The following AGBL4 variants were observed in gnomAD, a reference collection of about 807,000 sequenced individuals.
The protein encoded by AGBL4 is cytosolic carboxypeptidase 6.
AGBL4 carries 58 observed loss-of-function variants against 66.4 expected under a neutral mutation model. The observed-to-expected ratio is 0.87, with a 90% CI of 0.71 to 1.09. The LOEUF (loss-of-function observed/expected upper bound fraction) is 1.09. Ranked by LOEUF, AGBL4 falls within the 50% of genes least tolerant of loss-of-function variation. The pLI is 0.00. For missense variants in AGBL4, 579 were observed against 631.0 expected (o/e 0.92, Z 0.88); for synonymous variants, 234 against 222.9 (o/e 1.05, Z -0.44).
At chr1:49,613,351 A>C (rs984893547) in intron 3 of AGBL4, among the ~76,000 whole-genome samples, 1 of 152,110 alleles carries the variant, frequency 6.6e-6, no homozygotes, top group African/African-American at 2.4e-5. Context: ...CAATGTACCA[A>C]ACCTGCACAT....
At chr1:49,107,066 G>C (rs1470049357) in intron 4 of AGBL4, among the ~76,000 whole-genome samples, 1 of 152,092 alleles carries the variant, frequency 6.6e-6, no homozygotes, top group Non-Finnish European at 1.5e-5. Flanking sequence ...GGAATTTATA[G>C]ATGGAACAAG....
At chr1:49,677,743 T>C (rs1646608692) in intron 3 of AGBL4, among the ~76,000 whole-genome samples, 1 of 152,060 alleles carries the variant, frequency 6.6e-6, no homozygotes, top group East Asian at 1.9e-4. Context: ...GGGAGGTGAT[T>C]AGCTTTAGAT....
chr1:50,021,344 C>G (rs1662430037), intron 1 of AGBL4, among the ~76,000 whole-genome samples: 2 of 152,092 alleles, frequency 1.3e-5, no homozygotes, highest in South Asian at 2.1e-4. Context: ...ATTTCTATGT[C>G]AAAATAATTA....
At chr1:49,181,525 C>T (rs1482237899) in intron 4 of AGBL4, among the ~76,000 whole-genome samples, 2 of 152,174 alleles carry the variant, frequency 1.3e-5, no homozygotes, top group Non-Finnish European at 2.9e-5. Flanking sequence ...CTGTGAACCT[C>T]AGTTACCTCA....
intron 3 of AGBL4, among the ~76,000 whole-genome samples, chr1:49,410,307 T>C (rs1645290918): frequency 6.6e-6 from 1 of 152,086 alleles, no homozygotes. Flanking sequence ...CTGAAGACAA[T>C]ATGCTCCTAA....
At chr1:49,273,865 G>A (rs1644112703) in intron 3 of AGBL4, among the ~76,000 whole-genome samples, 2 of 151,816 alleles carry the variant, frequency 1.3e-5, no homozygotes, top group African/African-American at 2.4e-5. Context: ...TATTTTTTTA[G>A]TAGAGACGGG....
intron 3 of AGBL4, among the ~76,000 whole-genome samples, chr1:49,522,993 T>C (rs1032406348): frequency 2.6e-4 from 39 of 151,962 alleles, no homozygotes; most frequent in African/African-American, 2.4e-5. Flanking sequence ...ATTTCAGGGG[T>C]GCATAGCAAT....
chr1:48,748,328 A>G (rs144882990), intron 6 of AGBL4, among the ~76,000 whole-genome samples: 116 of 152,294 alleles, frequency 7.6e-4, no homozygotes, highest in Middle Eastern at 3.4e-3. Context: ...TTCCAGTGAA[A>G]GCAGAGACAA....
At chr1:49,089,857 C>A (rs1644972503) in intron 4 of AGBL4, among the ~76,000 whole-genome samples, 1 of 152,144 alleles carries the variant, frequency 6.6e-6, no homozygotes, top group African/African-American at 2.4e-5. Flanking sequence ...CAGCAAAATA[C>A]TAGCAAACCA....
intron 1 of AGBL4, among the ~76,000 whole-genome samples, chr1:49,950,011 C>CACACAA (rs1655943349): frequency 2.0e-5 from 1 of 50,818 alleles, no homozygotes; most frequent in African/African-American, 5.3e-5. Flanking sequence ...TATATATATA[C>CACACAA]ACACACATAT....
At chr1:48,742,659 C>T (rs144681129) in intron 6 of AGBL4, 61 of 1,607,536 alleles carry the variant, frequency 3.8e-5, no homozygotes, top group South Asian at 1.7e-4. Context: ...CCATGACAGG[C>T]GCAGGAGCGG....
chr1:48,855,862 C>G (rs1647137595), intron 6 of AGBL4, among the ~76,000 whole-genome samples: 1 of 151,844 alleles, frequency 6.6e-6, no homozygotes, highest in South Asian at 2.1e-4. Flanking sequence ...CCCTAGTAAT[C>G]TATTTTAGGA....
intron 3 of AGBL4, among the ~76,000 whole-genome samples, chr1:49,411,457 GAAAC>G (rs1434931143): frequency 3.9e-5 from 6 of 152,110 alleles, no homozygotes; most frequent in Non-Finnish European, 7.3e-5. Flanking sequence ...GACACACCGG[GAAAC>G]AATACTTTGC....
At chr1:48,827,598 A>G (rs1363191097) in intron 6 of AGBL4, among the ~76,000 whole-genome samples, 1 of 152,196 alleles carries the variant, frequency 6.6e-6, no homozygotes, top group Non-Finnish European at 1.5e-5. Context: ...GCAGTTATCA[A>G]CTTCAACTCA....
At chr1:48,789,574 C>A (rs1645496327) in intron 6 of AGBL4, among the ~76,000 whole-genome samples, 1 of 152,110 alleles carries the variant, frequency 6.6e-6, no homozygotes, top group African/African-American at 2.4e-5. Flanking sequence ...CAGGCATGAG[C>A]CACACTGTGG....
chr1:49,207,564 T>TTCTTTCTC (rs1339154239), intron 4 of AGBL4, among the ~76,000 whole-genome samples: 4 of 139,484 alleles, frequency 2.9e-5, no homozygotes, highest in African/African-American at 1.1e-4. Flanking sequence ...CTTTCTTTCT[T>TTCTTTCTC]TCTTTCTTTC....
intron 3 of AGBL4, among the ~76,000 whole-genome samples, chr1:49,456,447 C>T (rs780376757): frequency 2.0e-5 from 3 of 151,724 alleles, no homozygotes; most frequent in Non-Finnish European, 4.4e-5. Flanking sequence ...GCATATTTTA[C>T]TTTTGATTTA....
chr1:49,520,316 A>C (rs1444490467), intron 3 of AGBL4, among the ~76,000 whole-genome samples: 2 of 152,132 alleles, frequency 1.3e-5, no homozygotes, highest in South Asian at 4.1e-4. Context: ...TCTCAAAAAT[A>C]AAACAAAACA....
intron 2 of AGBL4, among the ~76,000 whole-genome samples, chr1:49,716,599 C>T (rs188930234): frequency 5.0e-4 from 74 of 148,872 alleles, no homozygotes; most frequent in South Asian, 1.0e-3. Flanking sequence ...TGGCTTCATC[C>T]CTGGCATGCA....
Sources: gnomAD v4.1 joint callset for allele counts (sites outside exome capture counted in the v4.1 genomes callset) on GRCh38, gnomAD v4.1.1 for gene constraint, MANE v1.5 for transcripts, NCBI Gene and HGNC (gene_info 2026-07-23, HGNC 2026-07-21) for gene names.